Variants in CCDC85A observed in about 807,000 individuals in gnomAD.
CCDC85A encodes the protein coiled-coil domain-containing protein 85A.
Under a neutral mutation model 50.2 loss-of-function variants are expected in CCDC85A, and 38 were observed. That is an observed-to-expected ratio of 0.76 (90% CI 0.58 to 0.99). The LOEUF (loss-of-function observed/expected upper bound fraction) is 0.99, where lower values mean the gene tolerates loss of function less well. Ranked by LOEUF, CCDC85A falls within the 50% of genes least tolerant of loss-of-function variation. The pLI is 0.00. For missense variants in CCDC85A, 820 were observed against 742.0 expected, an observed-to-expected ratio of 1.11 and a Z score of -1.22; for synonymous variants, 366 against 301.4, an observed-to-expected ratio of 1.21 and a Z score of -2.22.
intron 2 of CCDC85A, among the ~76,000 whole-genome samples, chr2:56,300,014 C>G (rs1053600059): frequency 2.6e-5 from 4 of 152,132 alleles, no homozygotes; most frequent in African/African-American, 9.7e-5. Context: ...CAAGAGGCAT[C>G]TGGGTGACAA....
At chr2:56,184,949 C>G in intron 1 of CCDC85A, 49 bp downstream of exon 1, 1 of 1,439,290 alleles carries the variant, frequency 6.9e-7, no homozygotes, top group Non-Finnish European at 9.1e-7. Flanking sequence ...GAGCGGGGTG[C>G]CCCGAGGAGG....
intron 2 of CCDC85A, among the ~76,000 whole-genome samples, chr2:56,318,231 C>T (rs370138294): frequency 6.2e-4 from 94 of 152,106 alleles, no homozygotes; most frequent in African/African-American, 2.1e-3. Flanking sequence ...GTCCTTCCAT[C>T]GATGGCCTGT....
chr2:56,284,446 C>T (rs1671339659), intron 2 of CCDC85A, among the ~76,000 whole-genome samples: 1 of 152,286 alleles, frequency 6.6e-6, no homozygotes, highest in Non-Finnish European at 1.5e-5. Flanking sequence ...GATCTAGGCT[C>T]ACTGCAACCT....
intron 2 of CCDC85A, among the ~76,000 whole-genome samples, chr2:56,275,469 ATCATATAGACCTTACACCAGCTATTTAAC>A (rs1670890229): frequency 1.5e-5 from 1 of 66,812 alleles, no homozygotes; most frequent in Non-Finnish European, 4.0e-5. Flanking sequence ...GCTATTTAAC[ATCATATAGACCTTACACCAGCTATTTAAC>A]ATCATATAGA....
At chr2:56,315,496 C>T (rs1452717138) in intron 2 of CCDC85A, among the ~76,000 whole-genome samples, 1 of 152,038 alleles carries the variant, frequency 6.6e-6, no homozygotes, top group Admixed American at 6.6e-5. Flanking sequence ...AATATTGTGC[C>T]AGACACTGTG....
chr2:56,310,731 A>AG (rs1227602961), intron 2 of CCDC85A, among the ~76,000 whole-genome samples: 1 of 152,158 alleles, frequency 6.6e-6, no homozygotes, highest in East Asian at 1.9e-4. Flanking sequence ...TGTATTGCTA[A>AG]GAAAAAAAAG....
intron 2 of CCDC85A, among the ~76,000 whole-genome samples, chr2:56,317,786 T>C (rs977397328): frequency 1.3e-5 from 2 of 152,098 alleles, no homozygotes; most frequent in Non-Finnish European, 2.9e-5. Flanking sequence ...TGCTTGCCTG[T>C]AGCTATGTAA....
chr2:56,196,376 T>C (rs1410228923), intron 2 of CCDC85A, among the ~76,000 whole-genome samples: 1 of 152,252 alleles, frequency 6.6e-6, no homozygotes, highest in African/African-American at 2.4e-5. Context: ...TGTCCATTCA[T>C]TCAAATTGCT....
intron 2 of CCDC85A, among the ~76,000 whole-genome samples, chr2:56,195,433 A>G (rs1047248799): frequency 6.6e-6 from 1 of 152,210 alleles, no homozygotes; most frequent in Non-Finnish European, 1.5e-5. Context: ...GTCTACTTCA[A>G]GTTTTCTCAT....
chr2:56,345,561 C>T (rs1383119693), intron 3 of CCDC85A, among the ~76,000 whole-genome samples: 1 of 152,102 alleles, frequency 6.6e-6, no homozygotes, highest in African/African-American at 2.4e-5. Context: ...TCATTTACTA[C>T]TAAGATATAA....
chr2:56,380,655 TATGTTATTTTCACGTGC>T (rs1385414807), intron 5 of CCDC85A, among the ~76,000 whole-genome samples: 2 of 150,076 alleles, frequency 1.3e-5, no homozygotes, highest in Non-Finnish European at 2.9e-5. Flanking sequence ...TAAATAAAGA[TATGTTATTTTCACGTGC>T]ATATTCAACG....
chr2:56,191,908 T>C (rs1334449042), intron 1 of CCDC85A, among the ~76,000 whole-genome samples: 1 of 152,220 alleles, frequency 6.6e-6, no homozygotes, highest in Non-Finnish European at 1.5e-5. Context: ...TTGAAAGGTC[T>C]GTTGTCTCAG....
chr2:56,324,215 T>C (rs188786749), intron 2 of CCDC85A, among the ~76,000 whole-genome samples: 194 of 152,216 alleles, frequency 1.3e-3, no homozygotes, highest in Admixed American at 2.2e-3. Context: ...AGTTGGGTCA[T>C]TGGTGCTAAT....
At chr2:56,334,227 A>G (rs1047517775) in intron 2 of CCDC85A, among the ~76,000 whole-genome samples, 1 of 152,200 alleles carries the variant, frequency 6.6e-6, no homozygotes, top group African/African-American at 2.4e-5. Context: ...TGTGGGCTCC[A>G]TAAACACCCA....
At chr2:56,229,853 A>G (rs1668704585) in intron 2 of CCDC85A, among the ~76,000 whole-genome samples, 1 of 152,210 alleles carries the variant, frequency 6.6e-6, no homozygotes, top group Non-Finnish European at 1.5e-5. Context: ...AGCTCCAACA[A>G]ATCGGTTTTC....
At chr2:56,239,068 A>T (rs1323583272) in intron 2 of CCDC85A, among the ~76,000 whole-genome samples, 1 of 152,080 alleles carries the variant, frequency 6.6e-6, no homozygotes, top group Non-Finnish European at 1.5e-5. Flanking sequence ...AAAAGAGAAG[A>T]CAGGTTTCCT....
At chr2:56,294,295 C>T (rs1346514138) in intron 2 of CCDC85A, among the ~76,000 whole-genome samples, 2 of 151,986 alleles carry the variant, frequency 1.3e-5, no homozygotes, top group African/African-American at 4.8e-5. Flanking sequence ...TGGGGGGTGG[C>T]AGGGGAAGGA....
At chr2:56,197,308 C>T (rs752492008) in intron 2 of CCDC85A, among the ~76,000 whole-genome samples, 2 of 151,612 alleles carry the variant, frequency 1.3e-5, no homozygotes, top group African/African-American at 2.4e-5. Flanking sequence ...TGGGCTTTAC[C>T]TCTGAGCATC....
intron 3 of CCDC85A, among the ~76,000 whole-genome samples, chr2:56,354,330 T>G (rs1344609946): frequency 6.6e-6 from 1 of 152,186 alleles, no homozygotes; most frequent in East Asian, 1.9e-4. Context: ...GTATCACACA[T>G]TAGTTTTTTC....
Sources: allele counts gnomAD v4.1 joint callset (sites outside exome capture counted in the v4.1 genomes callset), GRCh38; gene constraint gnomAD v4.1.1; transcripts MANE v1.5; gene names NCBI Gene and HGNC (gene_info 2026-07-23, HGNC 2026-07-21).